NDC1: variants seen among roughly 807,000 people sequenced by gnomAD.
NDC1 encodes the protein NDC1 transmembrane nucleoporin.
Under a neutral mutation model 89.8 loss-of-function variants are expected in NDC1, and 24 were observed. The ratio of observed to expected loss-of-function variants is 0.27; its 90% CI spans 0.19 to 0.38. The LOEUF (loss-of-function observed/expected upper bound fraction) is 0.38. Among genes scored for constraint, NDC1 ranks in the 10% least tolerant of loss-of-function variants. The pLI, the probability that NDC1 is intolerant of heterozygous loss-of-function variation, is 1.00. For missense variants in NDC1, 728 were observed against 797.6 expected (o/e 0.91, Z 1.05); for synonymous variants, 296 against 284.8 (o/e 1.04, Z -0.39).
chr1:53,819,866 CT>C (rs1648606054), intron 5 of NDC1, among the ~76,000 whole-genome samples: 2 of 152,014 alleles, frequency 1.3e-5, no homozygotes, highest in African/African-American at 4.8e-5. Context: ...GGTGCCTTAT[CT>C]TTTGGCTTCC....
chr1:53,829,190 T>C (rs1238638266), intron 3 of NDC1, among the ~76,000 whole-genome samples: 3 of 152,082 alleles, frequency 2.0e-5, no homozygotes, highest in Admixed American at 2.0e-4. Flanking sequence ...CTTACTATAC[T>C]CAAAGTAAAG....
At chr1:53,783,158 T>C (rs1647230428) in intron 16 of NDC1, among the ~76,000 whole-genome samples, 1 of 151,950 alleles carries the variant, frequency 6.6e-6, no homozygotes, top group South Asian at 2.1e-4. Context: ...TAGGTGATAG[T>C]TGTGGGTTGA....
intron 6 of NDC1, among the ~76,000 whole-genome samples, chr1:53,812,798 C>T (rs35655487): frequency 0.19 from 29,161 of 152,114 alleles, 2,929 homozygotes; most frequent in African/African-American, 0.23. Flanking sequence ...CCTAGGCACA[C>T]TGTCATCAGG....
intron 5 of NDC1, among the ~76,000 whole-genome samples, chr1:53,824,290 C>G (rs1239452879): frequency 6.7e-6 from 1 of 150,354 alleles, no homozygotes; most frequent in East Asian, 1.9e-4. Flanking sequence ...GAGAGAGAGA[C>G]ACGGTCTAGC....
chr1:53,773,146 A>G (rs993402935), intron 16 of NDC1, among the ~76,000 whole-genome samples: 8 of 152,254 alleles, frequency 5.3e-5, no homozygotes, highest in Non-Finnish European at 1.0e-4. Context: ...ATAGTTATTC[A>G]CTAAATAGTT....
intron 11 of NDC1, among the ~76,000 whole-genome samples, chr1:53,798,492 C>T (rs1269522091): frequency 6.6e-6 from 1 of 151,316 alleles, no homozygotes; most frequent in African/African-American, 2.4e-5. Context: ...AATAAAACCA[C>T]CATAAGAAAT....
chr1:53,791,096 A>C (rs1647482572), intron 14 of NDC1, among the ~76,000 whole-genome samples: 1 of 152,178 alleles, frequency 6.6e-6, no homozygotes, highest in Non-Finnish European at 1.5e-5. Flanking sequence ...CCATGTGATC[A>C]AATGTTTTAG....
chr1:53,781,066 G>A (rs1485472409), intron 16 of NDC1, among the ~76,000 whole-genome samples: 1 of 151,772 alleles, frequency 6.6e-6, no homozygotes, highest in African/African-American at 2.4e-5. Context: ...ATGTTGCCCT[G>A]GCTGGTCTTG....
chr1:53,793,806 G>T (rs1260188464), intron 13 of NDC1, among the ~76,000 whole-genome samples: 1 of 151,800 alleles, frequency 6.6e-6, no homozygotes, highest in Non-Finnish European at 1.5e-5. Flanking sequence ...GCCCAGGCTG[G>T]TCTCAAACTC....
At chr1:53,807,589 C>G in intron 8 of NDC1, 67 bp downstream of exon 8, 1 of 1,403,822 alleles carries the variant, frequency 7.1e-7, no homozygotes, top group Non-Finnish European at 9.7e-7. Context: ...TCAGTGTGCT[C>G]TGCTAAAAAT....
intron 13 of NDC1, 149 bp downstream of exon 13, chr1:53,796,540 T>C (rs1647706120): frequency 1.9e-6 from 1 of 533,296 alleles, no homozygotes; most frequent in African/African-American, 2.0e-5. Flanking sequence ...CTCAAACCAG[T>C]CAAATATTGG....
chr1:53,819,142 C>A, intron 5 of NDC1, 63 bp from the exon 6 acceptor site: 2 of 771,624 alleles, frequency 2.6e-6, no homozygotes, highest in Non-Finnish European at 2.2e-6. Context: ...TCAACATCAC[C>A]TTAAAGCAAG....
intron 6 of NDC1, among the ~76,000 whole-genome samples, chr1:53,814,164 C>T (rs1181153): frequency 0.25 from 38,556 of 151,820 alleles, 5,901 homozygotes; most frequent in African/African-American, 0.43. Context: ...CCATCCTGGC[C>T]AACACTGTGA....
chr1:53,822,449 A>G (rs1476673711), intron 5 of NDC1, among the ~76,000 whole-genome samples: 3 of 152,174 alleles, frequency 2.0e-5, no homozygotes, highest in Admixed American at 6.5e-5. Flanking sequence ...TGTTATAGGT[A>G]CATACATGTA....
At chr1:53,818,569 T>A (rs182322760) in intron 6 of NDC1, among the ~76,000 whole-genome samples, 2 of 152,298 alleles carry the variant, frequency 1.3e-5, no homozygotes, top group East Asian at 3.9e-4. Flanking sequence ...ACTGAACAAC[T>A]CCACCCCTTC....
chr1:53,789,025 G>T, intron 15 of NDC1, 108 bp downstream of exon 15: 2 of 708,012 alleles, frequency 2.8e-6, no homozygotes, highest in Non-Finnish European at 4.8e-6. Flanking sequence ...AAACGAATCT[G>T]TACATTCAAA....
intron 6 of NDC1, among the ~76,000 whole-genome samples, chr1:53,809,990 A>G (rs527571642): frequency 6.6e-6 from 1 of 152,346 alleles, no homozygotes; most frequent in Admixed American, 6.5e-5. Flanking sequence ...CAGTCACCCA[A>G]AAATGCAGTT....
intron 10 of NDC1, among the ~76,000 whole-genome samples, chr1:53,801,296 G>A (rs905668328): frequency 1.3e-5 from 2 of 152,088 alleles, no homozygotes; most frequent in Non-Finnish European, 2.9e-5. Context: ...CTAAACTTTT[G>A]CGTCTGACCC....
At chr1:53,789,743 G>A (rs1331014941) in intron 14 of NDC1, among the ~76,000 whole-genome samples, 1 of 150,406 alleles carries the variant, frequency 6.6e-6, no homozygotes, top group Non-Finnish European at 1.5e-5. Context: ...AGGTTGCAGT[G>A]AGCTGAGATC....
Sources: gnomAD v4.1 joint callset for allele counts (sites outside exome capture counted in the v4.1 genomes callset) on GRCh38, gnomAD v4.1.1 for gene constraint, MANE v1.5 for transcripts, NCBI Gene and HGNC (gene_info 2026-07-23, HGNC 2026-07-21) for gene names.